Variants in R3HCC1L observed in about 807,000 individuals in gnomAD.
The protein encoded by R3HCC1L is R3H domain and coiled-coil containing 1 like.
In R3HCC1L, 51 loss-of-function variants were observed where a neutral mutation model predicts 59.9. That is an observed-to-expected ratio of 0.85 (90% CI 0.68 to 1.07). The LOEUF (loss-of-function observed/expected upper bound fraction) is 1.07. Among genes scored for constraint, R3HCC1L ranks in the 50% least tolerant of loss-of-function variants. The probability of loss-of-function intolerance (pLI) is 0.00; values close to 1 mark genes in which losing one functional copy is unlikely to be tolerated. For synonymous variants in R3HCC1L, 322 were observed against 315.2 expected (o/e 1.02, Z -0.23); for missense variants, 965 against 933.0 (o/e 1.03, Z -0.45).
chr10:98,200,678 ATAT>A (rs1851934606), intron 4 of R3HCC1L, among the ~76,000 whole-genome samples: 1 of 152,164 alleles, frequency 6.6e-6, no homozygotes, highest in South Asian at 2.1e-4. Flanking sequence ...CAAATAAATA[ATAT>A]TAAGCACAAA....
intron 6 of R3HCC1L, among the ~76,000 whole-genome samples, chr10:98,233,864 C>T (rs534811583): frequency 1.3e-5 from 2 of 151,902 alleles, no homozygotes; most frequent in South Asian, 2.1e-4. Flanking sequence ...ATTTTTTTAA[C>T]CTCCCTTCTG....
At chr10:98,231,092 T>G (rs936345413) in intron 5 of R3HCC1L, 1 of 400,640 alleles carries the variant, frequency 2.5e-6, no homozygotes, top group African/African-American at 2.1e-5. Context: ...TTCATTTTTG[T>G]TCACTTCCAG....
At chr10:98,233,889 T>G (rs1027745653) in intron 6 of R3HCC1L, among the ~76,000 whole-genome samples, 1 of 152,310 alleles carries the variant, frequency 6.6e-6, no homozygotes, top group African/African-American at 2.4e-5. Context: ...AAGTGAAGAA[T>G]AGATCAGCCT....
chr10:98,224,540 G>A (rs976072024), intron 5 of R3HCC1L, among the ~76,000 whole-genome samples: 1 of 152,010 alleles, frequency 6.6e-6, no homozygotes, highest in Non-Finnish European at 1.5e-5. Context: ...CCTTTATTTC[G>A]GGAAGTTAAT....
intron 4 of R3HCC1L, among the ~76,000 whole-genome samples, chr10:98,191,085 G>A (rs894603319): frequency 3.3e-5 from 5 of 152,028 alleles, no homozygotes; most frequent in African/African-American, 7.3e-5. Context: ...CCAAGTCTTC[G>A]CTATTGTGAA....
At chr10:98,199,422 G>A (rs1851795340) in intron 4 of R3HCC1L, among the ~76,000 whole-genome samples, 1 of 151,600 alleles carries the variant, frequency 6.6e-6, no homozygotes, top group Admixed American at 6.6e-5. Flanking sequence ...TAAAACAATA[G>A]CGTATCTTTA....
chr10:98,153,506 C>T (rs1846491522), intron 1 of R3HCC1L, among the ~76,000 whole-genome samples: 1 of 151,768 alleles, frequency 6.6e-6, no homozygotes. Flanking sequence ...CCTAAGAAAA[C>T]CAGAGACCTT....
At chr10:98,176,024 GGAAA>G (rs1848981649) in intron 4 of R3HCC1L, among the ~76,000 whole-genome samples, 1 of 151,908 alleles carries the variant, frequency 6.6e-6, no homozygotes, top group Non-Finnish European at 1.5e-5. Context: ...ACCATTTTTT[GGAAA>G]GACTCTCTTT....
Position 98,202,953 on chromosome 10 carries a change from C to T in R3HCC1L, c.-14-5148C>T, listed in dbSNP as rs920848163. On this transcript the variant is annotated intron_variant, in intron 4 of 9. Coordinates refer to ENST00000298999, the MANE Select transcript of R3HCC1L (RefSeq NM_001351015.2). ...TCACTGTGGAGGTGTTCTAGAATGTCGGAGGCTTAAGACACCTGGCAGTTA... is the reference window on the plus strand; with the variant it reads ...TCACTGTGGAGGTGTTCTAGAATGTTGGAGGCTTAAGACACCTGGCAGTTA... 7.2e-5 allele frequency among the ~76,000 whole-genome samples: 11 copies of T among 151,934 alleles called. 1 individual carries two copies. In the East Asian group the frequency reaches 7.7e-4, roughly 11 times the overall value.
At chr10:98,242,398 T>C (rs978138468) in intron 9 of R3HCC1L, among the ~76,000 whole-genome samples, 6 of 152,142 alleles carry the variant, frequency 3.9e-5, no homozygotes, top group African/African-American at 1.4e-4. Flanking sequence ...AGAAAGGTAA[T>C]ATGGTATCTG....
intron 1 of R3HCC1L, among the ~76,000 whole-genome samples, chr10:98,154,089 C>G (rs1214788507): frequency 6.8e-6 from 1 of 146,758 alleles, no homozygotes; most frequent in Non-Finnish European, 1.5e-5. Flanking sequence ...ACATTGTTTT[C>G]ACATTTTGGA....
At chr10:98,240,671 C>T (rs1028987807) in intron 9 of R3HCC1L, among the ~76,000 whole-genome samples, 3 of 152,190 alleles carry the variant, frequency 2.0e-5, no homozygotes, top group African/African-American at 7.2e-5. Flanking sequence ...CTTCTGAAAA[C>T]CTTCTTTAGA....
intron 1 of R3HCC1L, among the ~76,000 whole-genome samples, chr10:98,136,649 A>C (rs1017965074): frequency 6.6e-6 from 1 of 152,204 alleles, no homozygotes; most frequent in South Asian, 2.1e-4. Flanking sequence ...CAGCCTGGGC[A>C]ACATAATGAA....
At chr10:98,206,552 G>A (rs1852688503) in intron 4 of R3HCC1L, among the ~76,000 whole-genome samples, 1 of 151,904 alleles carries the variant, frequency 6.6e-6, no homozygotes, top group Non-Finnish European at 1.5e-5. Flanking sequence ...GAATTTCAAA[G>A]GGCTATATAA....
chr10:98,149,408 GTTCTT>G (rs1231667606), intron 1 of R3HCC1L, among the ~76,000 whole-genome samples: 4 of 152,020 alleles, frequency 2.6e-5, no homozygotes, highest in African/African-American at 9.7e-5. Context: ...GGCTAGGTTT[GTTCTT>G]TTCTAGTTCT....
chr10:98,163,396 T>C lies in R3HCC1L; in HGVS notation c.-16T>C. 7.5e-7 allele frequency: 1 copy of C among 1,334,966 alleles called. No individual in the cohort carries two copies. The highest frequency in any genetic ancestry group is 9.9e-7 in the Non-Finnish European group (1 of 1,006,500). The allele number at this position is 1,334,966 out of a possible 1,614,324, so 82.7% of individuals were successfully genotyped here. A position where few individuals can be genotyped will look rare whatever the true frequency, so the allele number is the denominator to read the frequency against. On this transcript the variant is annotated splice_region_variant and 5_prime_UTR_variant, in exon 4 of 10. The change abolishes an upstream ATG in the 5' untranslated region. Transcript: ENST00000298999. ...ACTAAGAAAATAAATGTTACTTACA[T>C]GGTAAGTTGCCTTTACTTATGCATA...
At chr10:98,137,047 AAAAT>A (rs902906468) in intron 1 of R3HCC1L, among the ~76,000 whole-genome samples, 4 of 151,778 alleles carry the variant, frequency 2.6e-5, no homozygotes, top group African/African-American at 4.8e-5. Context: ...CATCTCTACT[AAAAT>A]ACAAAAAAAA....
intron 1 of R3HCC1L, among the ~76,000 whole-genome samples, chr10:98,149,058 G>A (rs1164399304): frequency 6.6e-6 from 1 of 152,078 alleles, no homozygotes; most frequent in Admixed American, 6.6e-5. Flanking sequence ...TTATTGGTTT[G>A]TTGAGTTTTT....
chr10:98,183,154 C>G (rs937332419), intron 4 of R3HCC1L, among the ~76,000 whole-genome samples: 4 of 152,150 alleles, frequency 2.6e-5, no homozygotes, highest in African/African-American at 7.2e-5. Context: ...TGGAGCTGTT[C>G]CTATTCGGCC....
Sources: allele counts gnomAD v4.1 joint callset (sites outside exome capture counted in the v4.1 genomes callset), GRCh38; gene constraint gnomAD v4.1.1; transcripts MANE v1.5; gene names NCBI Gene and HGNC (gene_info 2026-07-23, HGNC 2026-07-21).